Variants in HPSE2 observed in about 807,000 individuals in gnomAD.
HPSE2 encodes heparanase 2 (inactive), also known as inactive heparanase-2.
Under a neutral mutation model 60.5 loss-of-function variants are expected in HPSE2, and 38 were observed. The ratio of observed to expected loss-of-function variants is 0.63; its 90% CI spans 0.48 to 0.82. HPSE2 has a LOEUF of 0.82. Among genes scored for constraint, HPSE2 ranks in the 40% least tolerant of loss-of-function variants. The pLI, the probability that HPSE2 is intolerant of heterozygous loss-of-function variation, is 0.00. For synonymous variants in HPSE2, 295 were observed against 293.2 expected (o/e 1.01, Z -0.06); for missense variants, 713 against 740.4 (o/e 0.96, Z 0.43).
chr10:99,122,169 AAAT>A (rs1274128506), intron 3 of HPSE2, among the ~76,000 whole-genome samples: 1 of 152,102 alleles, frequency 6.6e-6, no homozygotes, highest in Non-Finnish European at 1.5e-5. Flanking sequence ...TTATAATCAG[AAAT>A]AATAACAGAA....
chr10:98,739,454 A>T (rs984383102), intron 4 of HPSE2, among the ~76,000 whole-genome samples: 2 of 152,120 alleles, frequency 1.3e-5, no homozygotes, highest in Non-Finnish European at 2.9e-5. Context: ...CATGTAAAAA[A>T]AAAAAGAAGA....
At chr10:98,528,529 T>C (rs1233276845) in intron 9 of HPSE2, among the ~76,000 whole-genome samples, 2 of 151,928 alleles carry the variant, frequency 1.3e-5, no homozygotes, top group African/African-American at 4.8e-5. Flanking sequence ...GGCCACATGG[T>C]GATTCCATCA....
Position 99,144,320 on chromosome 10 carries a change from G to C in HPSE2, c.528C>G (p.Leu176=). Reference sequence around the variant, plus strand: ...GCATCTGAGCTGCCTTCTCCCTTTGGAGCTCCAGCATAACATCAGGGTGCT... The same window carrying C: ...GCATCTGAGCTGCCTTCTCCCTTTGCAGCTCCAGCATAACATCAGGGTGCT... The part of the protein sequence containing the change: ...IAQHPDVMLE[L]QREKAAQMHL... Residue 176 remains leucine (L), a synonymous_variant, in exon 3 of 12, where the codon CTC becomes CTG. Transcript: ENST00000370552. 6.2e-7 allele frequency: 1 copy of C among 1,614,042 alleles called. No homozygotes were observed. The highest frequency in any genetic ancestry group is 8.5e-7 in the Non-Finnish European group (1 of 1,179,996).
intron 3 of HPSE2, among the ~76,000 whole-genome samples, chr10:99,124,397 A>T (rs1006898222): frequency 9.2e-5 from 14 of 152,152 alleles, no homozygotes; most frequent in Non-Finnish European, 1.6e-4. Flanking sequence ...GGGCTTCACC[A>T]GATACCCACC....
At chr10:99,184,807 TATATATATATATAGAGAGAGAGAG>T (rs1365435689) in intron 2 of HPSE2, among the ~76,000 whole-genome samples, 11 of 36,176 alleles carry the variant, frequency 3.0e-4, no homozygotes, top group African/African-American at 4.1e-4. Flanking sequence ...TATATATATA[TATATATATATATAGAGAGAGAGAG>T]AGAGAGAGAG....
intron 3 of HPSE2, among the ~76,000 whole-genome samples, chr10:99,095,874 T>C (rs1409980833): frequency 6.6e-6 from 1 of 152,260 alleles, no homozygotes; most frequent in Non-Finnish European, 1.5e-5. Flanking sequence ...CCTGGTATAC[T>C]TTTCACACTT....
intron 3 of HPSE2, among the ~76,000 whole-genome samples, chr10:98,893,774 G>C (rs1187412770): frequency 6.6e-6 from 1 of 152,126 alleles, no homozygotes; most frequent in Non-Finnish European, 1.5e-5. Context: ...TGGAGACCCT[G>C]AGTGGTATTT....
At chr10:98,955,587 C>T (rs992866205) in intron 3 of HPSE2, among the ~76,000 whole-genome samples, 1 of 151,992 alleles carries the variant, frequency 6.6e-6, no homozygotes, top group Non-Finnish European at 1.5e-5. Context: ...ACCATTTGAC[C>T]CAGCAATCCC....
At chr10:98,560,371 C>T (rs1250943767) in intron 9 of HPSE2, among the ~76,000 whole-genome samples, 1 of 152,180 alleles carries the variant, frequency 6.6e-6, no homozygotes, top group African/African-American at 2.4e-5. Flanking sequence ...AACCAGATTT[C>T]ATCGTGACAA....
At chr10:98,703,749 T>C (rs971134705) in intron 5 of HPSE2, among the ~76,000 whole-genome samples, 5 of 152,146 alleles carry the variant, frequency 3.3e-5, no homozygotes. Context: ...CTCAATAAAA[T>C]AGGTATTCAT....
rs529381159 is a variant in HPSE2 at position 98,927,021 on chromosome 10, T to C, written c.611-182965A>G. Reference sequence around the variant, plus strand: ...CTTTTACATTTGCTGAGGAGAGCTTTACTTCCAAGTATGTGGCCAATTTTG... The same window carrying C: ...CTTTTACATTTGCTGAGGAGAGCTTCACTTCCAAGTATGTGGCCAATTTTG... On this transcript the variant is annotated intron_variant, in intron 3 of 11. Transcript: ENST00000370552. Among the ~76,000 whole-genome samples the C allele has an allele frequency of 3.7e-3, 560 of 152,316 alleles. 2 individuals are homozygous for C. The highest frequency in any genetic ancestry group is 6.4e-3 in the Non-Finnish European group (433 of 68,030).
intron 3 of HPSE2, among the ~76,000 whole-genome samples, chr10:98,748,155 C>G (rs1417708310): frequency 6.6e-6 from 1 of 152,076 alleles, no homozygotes; most frequent in Non-Finnish European, 1.5e-5. Context: ...AAAAAATTAG[C>G]TGGGTGTGGT....
chr10:98,479,189 C>A (rs1941138840), intron 11 of HPSE2, among the ~76,000 whole-genome samples: 1 of 152,166 alleles, frequency 6.6e-6, no homozygotes, highest in Admixed American at 6.5e-5. Context: ...AAACACTAGA[C>A]CAGAATACCC....
At chr10:98,944,587 T>C (rs1279392799) in intron 3 of HPSE2, among the ~76,000 whole-genome samples, 1 of 152,124 alleles carries the variant, frequency 6.6e-6, no homozygotes, top group African/African-American at 2.4e-5. Context: ...TATTCAGTAA[T>C]TGTTTACTGA....
intron 3 of HPSE2, among the ~76,000 whole-genome samples, chr10:98,974,285 GA>G (rs531829764): frequency 4.8e-5 from 7 of 146,766 alleles, no homozygotes; most frequent in East Asian, 4.0e-4. Flanking sequence ...AGTGACTCTG[GA>G]AAAAAAAAAG....
intron 3 of HPSE2, among the ~76,000 whole-genome samples, chr10:99,015,301 A>G (rs1050264644): frequency 6.6e-6 from 1 of 152,164 alleles, no homozygotes; most frequent in African/African-American, 2.4e-5. Flanking sequence ...CATTTGACCC[A>G]GCCATCCCAT....
chr10:98,822,383 A>G (rs1951444696), intron 3 of HPSE2, among the ~76,000 whole-genome samples: 1 of 152,224 alleles, frequency 6.6e-6, no homozygotes, highest in Admixed American at 6.5e-5. Flanking sequence ...TTTTAACTTA[A>G]TAATATCATG....
chr10:98,666,193 G>A (rs1342575534), intron 6 of HPSE2, among the ~76,000 whole-genome samples: 3 of 152,098 alleles, frequency 2.0e-5, no homozygotes, highest in Non-Finnish European at 4.4e-5. Context: ...AAGGAGTATT[G>A]CATAATGATA....
the HPSE2 span, among the ~76,000 whole-genome samples, chr10:99,277,868 C>T: frequency 1.3e-5 from 2 of 152,050 alleles, no homozygotes; most frequent in Admixed American, 6.6e-5. Flanking sequence ...GAGGCCAAGG[C>T]AGGTGGATCA....
Sources: gnomAD v4.1 joint callset for allele counts (sites outside exome capture counted in the v4.1 genomes callset) on GRCh38, gnomAD v4.1.1 for gene constraint, MANE v1.5 for transcripts, NCBI Gene and HGNC (gene_info 2026-07-23, HGNC 2026-07-21) for gene names.